RB1CC1: variants seen among roughly 807,000 people sequenced by gnomAD.
RB1CC1 encodes RB1 inducible coiled-coil 1, also known as RB1-inducible coiled-coil protein 1.
In RB1CC1, 46 loss-of-function variants were observed where a neutral mutation model predicts 177.5. The observed-to-expected ratio is 0.26, with a 90% confidence interval of 0.20 to 0.33. The LOEUF is 0.33. Among genes scored for constraint, RB1CC1 ranks in the 10% least tolerant of loss-of-function variants. The pLI, the probability that RB1CC1 is intolerant of heterozygous loss-of-function variation, is 1.00. For synonymous variants in RB1CC1, 666 were observed against 613.6 expected (o/e 1.09, Z -1.26); for missense variants, 1,703 against 1,816.3 (o/e 0.94, Z 1.13).
At chr8:52,701,533 T>C (rs1316593221) in intron 1 of RB1CC1, among the ~76,000 whole-genome samples, 4 of 152,152 alleles carry the variant, frequency 2.6e-5, no homozygotes, top group African/African-American at 7.2e-5. Context: ...CTGTTTTTGC[T>C]CACAAGGATC....
At chr8:52,683,773 G>A (rs1211693025) in intron 4 of RB1CC1, 54 bp from the exon 5 acceptor site, 5 of 1,558,702 alleles carry the variant, frequency 3.2e-6, no homozygotes, top group Non-Finnish European at 4.4e-6. Flanking sequence ...TAAATACTGA[G>A]CGTGCACATT....
At chr8:52,640,173 T>C (rs1849449924) in intron 18 of RB1CC1, among the ~76,000 whole-genome samples, 1 of 152,174 alleles carries the variant, frequency 6.6e-6, no homozygotes, top group African/African-American at 2.4e-5. Context: ...CTACATATGA[T>C]CTGACTAATA....
intron 1 of RB1CC1, among the ~76,000 whole-genome samples, chr8:52,707,428 CTTT>C (rs1306881979): frequency 1.7e-5 from 2 of 120,208 alleles, no homozygotes. Flanking sequence ...CTTTTTCTTT[CTTT>C]CTTTTTTTTT....
chr8:52,708,326 C>T (rs1266947784), intron 1 of RB1CC1, among the ~76,000 whole-genome samples: 2 of 152,004 alleles, frequency 1.3e-5, no homozygotes, highest in African/African-American at 2.4e-5. Context: ...ACCATCCTGG[C>T]TAACACAGTG....
chr8:52,669,771 G>C (rs891573513), intron 7 of RB1CC1, among the ~76,000 whole-genome samples: 13 of 152,258 alleles, frequency 8.5e-5, no homozygotes, highest in African/African-American at 2.9e-4. Flanking sequence ...ATGAAAACTG[G>C]TTCAAATGTT....
intron 1 of RB1CC1, among the ~76,000 whole-genome samples, chr8:52,692,907 A>T (rs1471642278): frequency 6.6e-6 from 1 of 152,256 alleles, no homozygotes; most frequent in Non-Finnish European, 1.5e-5. Flanking sequence ...CATCCAAGAA[A>T]TGGCATGGAC....
intron 1 of RB1CC1, among the ~76,000 whole-genome samples, chr8:52,704,853 T>C (rs1043299404): frequency 1.3e-5 from 2 of 152,210 alleles, no homozygotes; most frequent in African/African-American, 4.8e-5. Context: ...CACCAAATAG[T>C]CACGATTTCC....
In RB1CC1 at chr8:52,658,982, C is replaced by T. The variant is rs1381379661; in HGVS notation, c.1690-6G>A. ...AACTTTCGAGGCTTTTGAGTCTGTA[C>T]CAAAAAAATTAATTACTTAAAAAAT... On this transcript the variant is annotated splice_region_variant and splice_polypyrimidine_tract_variant and intron_variant, in intron 12 of 23. Coordinates refer to ENST00000025008, the MANE Select transcript of RB1CC1 (RefSeq NM_014781.5). 7 of 1,460,842 alleles carry T rather than the reference C, an allele frequency of 4.8e-6. No individual in the cohort carries two copies. The highest frequency in any genetic ancestry group is 6.4e-6 in the Non-Finnish European group (7 of 1,098,968). The allele number at this position is 1,460,842 out of a possible 1,614,324, so 90.5% of individuals were successfully genotyped here.
chr8:52,633,976 G>T (rs1848943611), intron 20 of RB1CC1, among the ~76,000 whole-genome samples: 1 of 152,176 alleles, frequency 6.6e-6, no homozygotes, highest in South Asian at 2.1e-4. Context: ...AATTAGCTGG[G>T]TGCAGCGGCA....
chr8:52,655,901 T>A, intron 15 of RB1CC1, 107 bp downstream of exon 15: 1 of 848,942 alleles, frequency 1.2e-6, no homozygotes, highest in Non-Finnish European at 1.7e-6. Context: ...AATACCCTAG[T>A]TGCTACATTT....
At chr8:52,671,751 G>T (rs566697517) in intron 7 of RB1CC1, among the ~76,000 whole-genome samples, 91 of 152,194 alleles carry the variant, frequency 6.0e-4, no homozygotes, top group Non-Finnish European at 9.8e-4. Flanking sequence ...AGCATGTGCT[G>T]GTTTGTTACA....
rs528957354 is a variant in RB1CC1, at chr8:52,696,147, C to T, written c.-166-9180G>A. ...GCAACCTCTGTCTCCTGGGTTCAAG[C>T]GATTCTCCTGCCTCAGCCTCCCAAG... On this transcript the variant is annotated intron_variant, in intron 1 of 23. Transcript: ENST00000025008. 2.7e-3 allele frequency among the ~76,000 whole-genome samples: 410 copies of T among 152,266 alleles called. 3 individuals are homozygous for T. The highest frequency in any genetic ancestry group is 3.9e-3 in the Non-Finnish European group (263 of 68,006).
intron 7 of RB1CC1, among the ~76,000 whole-genome samples, chr8:52,672,769 CTTAA>C (rs1319834203): frequency 6.6e-6 from 1 of 152,102 alleles, no homozygotes; most frequent in East Asian, 1.9e-4. Flanking sequence ...AACAAAATAC[CTTAA>C]TTATTCTGAT....
intron 10 of RB1CC1, 35 bp from the exon 11 acceptor site, chr8:52,661,042 AC>A: frequency 1.2e-6 from 2 of 1,611,082 alleles, no homozygotes; most frequent in Non-Finnish European, 1.7e-6. Context: ...ACATAAACAT[AC>A]ACCAATTCGT....
At chr8:52,629,668 T>A (rs1262054432) in intron 21 of RB1CC1, among the ~76,000 whole-genome samples, 2 of 152,190 alleles carry the variant, frequency 1.3e-5, no homozygotes, top group Non-Finnish European at 2.9e-5. Context: ...CAAACTATTA[T>A]CTGTCAAGCC....
At position 52,668,011 on chromosome 8, in the gene RB1CC1, AAATAGGT is replaced by A. The variant is rs1489169522; in HGVS notation, c.1173+3_1173+9del. On this transcript the variant is annotated splice_donor_5th_base_variant and intron_variant, in intron 8 of 23. Coordinates refer to ENST00000025008, the MANE Select transcript of RB1CC1 (RefSeq NM_014781.5). ...AATTCCTTTTCCTGAGAAAAGTCTAAAATAGGTACCTGAGCAAGCTCTTTCTGTTCAT... is the reference window on the plus strand; with the variant it reads ...AATTCCTTTTCCTGAGAAAAGTCTAAACCTGAGCAAGCTCTTTCTGTTCAT... The A allele has an allele frequency of 2.5e-6, 4 of 1,603,462 alleles. No homozygotes were observed. Among genetic ancestry groups the A allele is most frequent in the Non-Finnish European group, 3.4e-6 (4 of 1,175,820 alleles).
Position 52,685,509 on chromosome 8 carries a change from C to A in RB1CC1, c.-40G>T. On this transcript the variant is annotated 5_prime_UTR_variant, in exon 3 of 24. Transcript: ENST00000025008. ...ATTCTGTGAGCTTATACCTCACCCT[C>A]TGATACAGTTACTAGAAGAAACAAG... 8.1e-7 allele frequency: 1 copy of A among 1,238,550 alleles called. No homozygotes were observed. The highest frequency in any genetic ancestry group is 1.3e-5 in the South Asian group (1 of 77,948). 76.7% of individuals were successfully genotyped at this position (1,238,550 alleles called of 1,614,324 possible).
chr8:52,677,377 A>G (rs1341818054), intron 5 of RB1CC1, among the ~76,000 whole-genome samples: 1 of 152,186 alleles, frequency 6.6e-6, no homozygotes, highest in Admixed American at 6.5e-5. Context: ...AAAGACAGGA[A>G]ATATGAAGCA....
At chr8:52,697,308 A>G (rs571236784) in intron 1 of RB1CC1, among the ~76,000 whole-genome samples, 1 of 152,106 alleles carries the variant, frequency 6.6e-6, no homozygotes, top group Admixed American at 6.5e-5. Context: ...AAAAAAAAAA[A>G]AAAAAGAAGA....
Sources: allele counts gnomAD v4.1 joint callset (sites outside exome capture counted in the v4.1 genomes callset), GRCh38; gene constraint gnomAD v4.1.1; transcripts MANE v1.5; gene names NCBI Gene and HGNC (gene_info 2026-07-23, HGNC 2026-07-21).